GABRA4: variants seen among roughly 807,000 people sequenced by gnomAD.
GABRA4 encodes gamma-aminobutyric acid receptor subunit alpha-4.
In GABRA4, 12 loss-of-function variants were observed where a neutral mutation model predicts 49.7. That is an observed-to-expected ratio of 0.24 (90% confidence interval 0.15 to 0.39). GABRA4 has a LOEUF of 0.39. Among genes scored for constraint, GABRA4 ranks in the 10% least tolerant of loss-of-function variants. GABRA4 has a pLI of 1.00. For synonymous variants in GABRA4, 288 were observed against 240.2 expected (o/e 1.20, Z -1.84); for missense variants, 506 against 686.0 (o/e 0.74, Z 2.93).
chr4:46,975,242 C>A (rs1302363587), intron 5 of GABRA4, among the ~76,000 whole-genome samples: 1 of 151,972 alleles, frequency 6.6e-6, no homozygotes, highest in African/African-American at 2.4e-5. Flanking sequence ...TCAATGGAAT[C>A]ATTTAATTCT....
intron 2 of GABRA4, among the ~76,000 whole-genome samples, chr4:46,990,790 A>G (rs889292332): frequency 5.9e-5 from 9 of 152,222 alleles, no homozygotes; most frequent in African/African-American, 2.2e-4. Flanking sequence ...TCAGATTTGC[A>G]TGAAGGCAAA....
rs878858894 is a variant in GABRA4, at chr4:46,993,003, G to C, written c.87-57C>G. On this transcript the variant is annotated intron_variant, in intron 1 of 8. Coordinates refer to ENST00000264318, the MANE Select transcript of GABRA4 (RefSeq NM_000809.4). ...AGGAGATTATTTTAAGAATCCATCAGAGAACAGGTGCAAACAGGTTTGTTT... is the reference window on the plus strand; with the variant it reads ...AGGAGATTATTTTAAGAATCCATCACAGAACAGGTGCAAACAGGTTTGTTT... The C allele has an allele frequency of 5.4e-6, 7 of 1,298,702 alleles. No individual in the cohort carries two copies. In the African/African-American group the frequency reaches 1.0e-4, roughly 19 times the overall value. 80.4% of individuals were successfully genotyped at this position (1,298,702 alleles called of 1,614,324 possible). A position where few individuals can be genotyped will look rare whatever the true frequency, so the allele number is the denominator to read the frequency against.
intron 8 of GABRA4, among the ~76,000 whole-genome samples, chr4:46,961,646 T>A (rs1722578918): frequency 6.6e-6 from 1 of 151,894 alleles, no homozygotes; most frequent in African/African-American, 2.4e-5. Flanking sequence ...TATAGAGAAA[T>A]AAAGTTGATG....
chr4:46,976,010 T>C (rs899660925), intron 5 of GABRA4, among the ~76,000 whole-genome samples: 2 of 151,888 alleles, frequency 1.3e-5, no homozygotes, highest in Non-Finnish European at 2.9e-5. Flanking sequence ...GGCAACAGTT[T>C]CACAATCAGT....
At chr4:46,928,821 G>C (rs1393692155) in intron 8 of GABRA4, 66 bp from the exon 9 acceptor site, 1 of 1,076,964 alleles carries the variant, frequency 9.3e-7, no homozygotes, top group African/African-American at 1.6e-5. Flanking sequence ...AAAATTTAAA[G>C]GGATCAAAAT....
rs1307870970 is a variant in GABRA4, at chr4:46,928,215, A to G, written c.*10T>C. The G allele has an allele frequency of 1.3e-6, 2 of 1,591,194 alleles. No individual in the cohort carries two copies. Among genetic ancestry groups the G allele is most frequent in the African/African-American group, 2.7e-5 (2 of 74,086 alleles). On this transcript the variant is annotated 3_prime_UTR_variant, in exon 9 of 9. Coordinates refer to ENST00000264318, the MANE Select transcript of GABRA4 (RefSeq NM_000809.4). The stretch of plus-strand genomic sequence containing the variant: ...TCATCATCTTTTAGCAAACTACTAT[A>G]GCAACGAAATTACATTAGACTTTCT...
chr4:46,928,221 G>C lies in GABRA4; in HGVS notation c.*4C>G, dbSNP rs201935955. ...TCTTTTAGCAAACTACTATAGCAAC[G>C]AAATTACATTAGACTTTCTGATTTC... On this transcript the variant is annotated 3_prime_UTR_variant, in exon 9 of 9. Transcript: ENST00000264318. 7 of 1,594,478 alleles carry C rather than the reference G, an allele frequency of 4.4e-6. No individual in the cohort carries two copies. The highest frequency in any genetic ancestry group is 6.0e-6 in the Non-Finnish European group (7 of 1,169,266).
chr4:46,955,117 G>T (rs978202057), intron 8 of GABRA4, among the ~76,000 whole-genome samples: 2 of 151,976 alleles, frequency 1.3e-5, no homozygotes, highest in African/African-American at 4.8e-5. Context: ...TTCTTCATTT[G>T]CCATGCTATT....
intron 8 of GABRA4, among the ~76,000 whole-genome samples, chr4:46,947,704 C>T (rs550581983): frequency 6.6e-6 from 1 of 151,982 alleles, no homozygotes; most frequent in Non-Finnish European, 1.5e-5. Context: ...TCTTGGCTGA[C>T]ATCATCCCAC....
chr4:46,985,517 T>C (rs1723502251), intron 2 of GABRA4, among the ~76,000 whole-genome samples: 2 of 152,230 alleles, frequency 1.3e-5, no homozygotes, highest in African/African-American at 4.8e-5. Context: ...CAATTCTGTG[T>C]AACTGTGGCT....
At chr4:46,934,040 T>C (rs1322951617) in intron 8 of GABRA4, among the ~76,000 whole-genome samples, 16 of 152,246 alleles carry the variant, frequency 1.1e-4, no homozygotes, top group Middle Eastern at 3.4e-3. Flanking sequence ...CTTATGACTC[T>C]AGCAGCAATG....
chr4:46,993,205 C>A, intron 1 of GABRA4, 134 bp downstream of exon 1: 1 of 830,954 alleles, frequency 1.2e-6, no homozygotes, highest in Non-Finnish European at 2.0e-6. Flanking sequence ...AAAAGCCTGG[C>A]TTCGGCCCCT....
At chr4:46,933,704 T>A (rs1419103820) in intron 8 of GABRA4, among the ~76,000 whole-genome samples, 1 of 152,184 alleles carries the variant, frequency 6.6e-6, no homozygotes, top group Non-Finnish European at 1.5e-5. Context: ...GCAACTAATG[T>A]GTCAGAGTGA....
At chr4:46,977,236 G>A (rs995083617) in intron 4 of GABRA4, 93 bp from the exon 5 acceptor site, 16 of 612,222 alleles carry the variant, frequency 2.6e-5, no homozygotes, top group African/African-American at 2.5e-4. Flanking sequence ...AGGGAAGGAG[G>A]AAGGAAGAAG....
intron 8 of GABRA4, among the ~76,000 whole-genome samples, chr4:46,941,772 C>T: frequency 6.6e-6 from 1 of 152,042 alleles, no homozygotes; most frequent in Non-Finnish European, 1.5e-5. Flanking sequence ...CTTGGAGCAA[C>T]ACTAAGAACT....
At chr4:46,930,455 C>G (rs1468581880) in intron 8 of GABRA4, among the ~76,000 whole-genome samples, 2 of 151,768 alleles carry the variant, frequency 1.3e-5, no homozygotes, top group Non-Finnish European at 2.9e-5. Flanking sequence ...GGTATATCCT[C>G]AAAATTTAAA....
chr4:46,975,019 C>T (rs1206272971), intron 5 of GABRA4, among the ~76,000 whole-genome samples: 4 of 151,920 alleles, frequency 2.6e-5, no homozygotes, highest in Non-Finnish European at 5.9e-5. Context: ...CAGGACATTT[C>T]CCCTTACATC....
At chr4:46,967,852 A>G (rs1722817127) in intron 7 of GABRA4, among the ~76,000 whole-genome samples, 1 of 151,648 alleles carries the variant, frequency 6.6e-6, no homozygotes, top group Non-Finnish European at 1.5e-5. Flanking sequence ...CACAAGAGTG[A>G]ATTTTTGGCT....
At chr4:46,930,836 C>T (rs6839457) in intron 8 of GABRA4, among the ~76,000 whole-genome samples, 19,980 of 141,658 alleles carry the variant, frequency 0.14, 1,426 homozygotes, top group South Asian at 0.26. Context: ...AAAACAAATG[C>T]AAAAAAAAAA....
Sources: gnomAD v4.1 joint callset for allele counts (sites outside exome capture counted in the v4.1 genomes callset) on GRCh38, gnomAD v4.1.1 for gene constraint, MANE v1.5 for transcripts, NCBI Gene and HGNC (gene_info 2026-07-23, HGNC 2026-07-21) for gene names.